IMMP2L: variants seen among roughly 807,000 people sequenced by gnomAD.
IMMP2L encodes the protein mitochondrial inner membrane protease subunit 2.
Under a neutral mutation model 19.3 loss-of-function variants are expected in IMMP2L, and 18 were observed. The observed-to-expected ratio is 0.93, with a 90% CI of 0.64 to 1.38. The LOEUF (loss-of-function observed/expected upper bound fraction) is 1.38, where lower values mean the gene tolerates loss of function less well. Among genes scored for constraint, IMMP2L ranks in the 40% most tolerant of loss-of-function variants. The probability of loss-of-function intolerance (pLI) is 0.00; values close to 1 mark genes in which losing one functional copy is unlikely to be tolerated. For synonymous variants in IMMP2L, 76 were observed against 73.0 expected (o/e 1.04, Z -0.21); for missense variants, 233 against 218.2 (o/e 1.07, Z -0.43).
At position 111,521,300 on chromosome 7, in the gene IMMP2L, A is replaced by T; in HGVS notation, c.135+13T>A. 1 of 1,607,444 alleles carries T rather than the reference A, an allele frequency of 6.2e-7. No individual in the cohort carries two copies. The highest frequency in any genetic ancestry group is 1.1e-5 in the South Asian group (1 of 90,470). On this transcript the variant is annotated intron_variant, in intron 2 of 5. Transcript: ENST00000405709. Reference sequence around the variant, plus strand: ...AGTATGTGCTTTAAAGAACGAAGTTATATCATTTTCACCTGCATCGATGCT... The same window carrying T: ...AGTATGTGCTTTAAAGAACGAAGTTTTATCATTTTCACCTGCATCGATGCT...
chr7:111,485,596 T>A (rs1259856879), intron 3 of IMMP2L, among the ~76,000 whole-genome samples: 3 of 892 alleles, frequency 3.4e-3, no homozygotes, highest in Non-Finnish European at 9.9e-3. Context: ...AGACTCTGTT[T>A]CAAAAAAAAA....
chr7:111,407,370 G>A (rs1234573348), intron 3 of IMMP2L, among the ~76,000 whole-genome samples: 2 of 151,950 alleles, frequency 1.3e-5, no homozygotes, highest in African/African-American at 4.8e-5. Context: ...CATATTCATG[G>A]TATTATTCAT....
chr7:111,448,509 A>G (rs1585147388), intron 3 of IMMP2L, among the ~76,000 whole-genome samples: 1 of 137,534 alleles, frequency 7.3e-6, no homozygotes, highest in Admixed American at 7.4e-5. Context: ...TTTGAAACCA[A>G]CGAGAACAAA....
chr7:111,375,923 C>T (rs979043647), intron 3 of IMMP2L, among the ~76,000 whole-genome samples: 1 of 152,024 alleles, frequency 6.6e-6, no homozygotes, highest in Non-Finnish European at 1.5e-5. Context: ...AGAGCAAAAA[C>T]AATAACAATA....
chr7:111,479,990 G>A (rs1042225418), intron 3 of IMMP2L, among the ~76,000 whole-genome samples: 1 of 151,728 alleles, frequency 6.6e-6, no homozygotes, highest in Non-Finnish European at 1.5e-5. Context: ...CTAAGAAAAT[G>A]TCTTATTACA....
intron 4 of IMMP2L, among the ~76,000 whole-genome samples, chr7:110,955,227 T>C (rs1278376920): frequency 6.6e-6 from 1 of 151,942 alleles, no homozygotes; most frequent in Non-Finnish European, 1.5e-5. Flanking sequence ...AGCAATAGTA[T>C]GGAAAATAAT....
intron 3 of IMMP2L, among the ~76,000 whole-genome samples, chr7:111,449,239 G>T (rs1264135991): frequency 4.2e-5 from 6 of 142,506 alleles, no homozygotes; most frequent in African/African-American, 8.1e-5. Context: ...TACCAAAGCC[G>T]GGCAGAGACA....
chr7:110,944,577 C>T (rs996425901), intron 4 of IMMP2L, among the ~76,000 whole-genome samples: 20 of 151,426 alleles, frequency 1.3e-4, no homozygotes, highest in Admixed American at 4.0e-4. Context: ...AAATCTCCCT[C>T]ATTCTCCTGA....
intron 3 of IMMP2L, among the ~76,000 whole-genome samples, chr7:111,401,933 A>G (rs1380856873): frequency 6.6e-6 from 1 of 151,930 alleles, no homozygotes; most frequent in Non-Finnish European, 1.5e-5. Flanking sequence ...TTATCATGTT[A>G]TAAATTCAAG....
intron 5 of IMMP2L, among the ~76,000 whole-genome samples, chr7:110,802,731 A>C (rs1385940694): frequency 6.6e-6 from 1 of 152,068 alleles, no homozygotes; most frequent in African/African-American, 2.4e-5. Context: ...AACTATAAGA[A>C]CCACGAGAAT....
chr7:111,494,558 G>A (rs947509240), intron 2 of IMMP2L, among the ~76,000 whole-genome samples: 5 of 152,142 alleles, frequency 3.3e-5, no homozygotes, highest in African/African-American at 4.8e-5. Flanking sequence ...AATAGTCCTT[G>A]CCCTAAACAC....
intron 3 of IMMP2L, among the ~76,000 whole-genome samples, chr7:110,992,056 C>T (rs537821727): frequency 1.3e-4 from 20 of 152,108 alleles, no homozygotes; most frequent in East Asian, 5.8e-4. Context: ...AAACCTTGAC[C>T]GTATTTCATG....
At chr7:111,049,098 C>T (rs1792734138) in intron 3 of IMMP2L, among the ~76,000 whole-genome samples, 1 of 146,974 alleles carries the variant, frequency 6.8e-6, no homozygotes. Flanking sequence ...AAGCTTAGGG[C>T]ATTGATTTTT....
At chr7:110,767,298 T>C (rs1201115339) in intron 5 of IMMP2L, among the ~76,000 whole-genome samples, 2 of 152,178 alleles carry the variant, frequency 1.3e-5, no homozygotes, top group African/African-American at 2.4e-5. Context: ...AGAGATTTCA[T>C]GCATGGGAGA....
intron 3 of IMMP2L, among the ~76,000 whole-genome samples, chr7:111,438,003 C>A (rs553208596): frequency 6.6e-6 from 1 of 151,762 alleles, no homozygotes; most frequent in Admixed American, 6.6e-5. Context: ...AAAAGCTGTT[C>A]CTCAACATTT....
intron 5 of IMMP2L, among the ~76,000 whole-genome samples, chr7:110,733,072 C>T (rs904310502): frequency 6.6e-6 from 1 of 152,206 alleles, no homozygotes; most frequent in South Asian, 2.1e-4. Context: ...TGAGCCACTG[C>T]ACCTGGCCTT....
chr7:110,663,469 G>T lies in IMMP2L; in HGVS notation c.*133C>A. On this transcript the variant is annotated 3_prime_UTR_variant, in exon 6 of 6. Transcript: ENST00000405709. ...AATTATTTATTTAATAATACAGATC[G>T]TTTTAATGTGCTGTAAATATTTCTC... The T allele has an allele frequency of 1.4e-6, 1 of 709,846 alleles. No homozygotes were observed. The highest frequency in any genetic ancestry group is 2.4e-6 in the Non-Finnish European group (1 of 419,520). The allele number at this position is 709,846 out of a possible 1,614,324, so 44.0% of individuals were successfully genotyped here. A position where few individuals can be genotyped will look rare whatever the true frequency, so the allele number is the denominator to read the frequency against.
intron 3 of IMMP2L, among the ~76,000 whole-genome samples, chr7:111,179,286 C>CTGCAGCCCACAGGCTGCA (rs1042620386): frequency 6.6e-6 from 1 of 152,054 alleles, no homozygotes; most frequent in Admixed American, 6.6e-5. Context: ...CTTGTTCAAC[C>CTGCAGCCCACAGGCTGCA]TGCAGCCCAC....
intron 3 of IMMP2L, among the ~76,000 whole-genome samples, chr7:111,192,103 T>C (rs932802138): frequency 1.3e-5 from 2 of 152,116 alleles, no homozygotes; most frequent in Admixed American, 1.3e-4. Flanking sequence ...ATCAACTATG[T>C]ACCCAAGTGG....
Sources: allele counts gnomAD v4.1 joint callset (sites outside exome capture counted in the v4.1 genomes callset), GRCh38; gene constraint gnomAD v4.1.1; transcripts MANE v1.5; gene names NCBI Gene and HGNC (gene_info 2026-07-23, HGNC 2026-07-21).